The following PDZRN4 variants were observed in gnomAD, a reference collection of about 807,000 sequenced individuals.
PDZRN4 encodes the protein PDZ domain containing ring finger 4.
Under a neutral mutation model 99.0 loss-of-function variants are expected in PDZRN4, and 70 were observed. That is an observed-to-expected ratio of 0.71 (90% CI 0.58 to 0.86). The LOEUF (loss-of-function observed/expected upper bound fraction) is 0.86, where lower values mean the gene tolerates loss of function less well. Ranked by LOEUF, PDZRN4 falls within the 40% of genes least tolerant of loss-of-function variation. The pLI is 0.00. For missense variants in PDZRN4, 1,474 were observed against 1,331.2 expected (o/e 1.11, Z -1.67); for synonymous variants, 551 against 501.6 (o/e 1.10, Z -1.32).
At chr12:41,246,495 C>A (rs1333768919) in intron 3 of PDZRN4, among the ~76,000 whole-genome samples, 1 of 152,102 alleles carries the variant, frequency 6.6e-6, no homozygotes, top group Non-Finnish European at 1.5e-5. Context: ...AGTTTTCATC[C>A]AAAACGTTTG....
chr12:41,554,296 C>T (rs1198891518), intron 6 of PDZRN4, among the ~76,000 whole-genome samples: 1 of 152,174 alleles, frequency 6.6e-6, no homozygotes, highest in African/African-American at 2.4e-5. Flanking sequence ...GTTCATGAAT[C>T]ACCCTTCACT....
chr12:41,498,276 T>A (rs1261212732), intron 3 of PDZRN4, among the ~76,000 whole-genome samples: 1 of 152,040 alleles, frequency 6.6e-6, no homozygotes, highest in Admixed American at 6.6e-5. Context: ...CATAAATATA[T>A]AACCTGAGTC....
rs148746269 is a variant in PDZRN4 at position 41,375,472 on chromosome 12, T to C, written c.844-130984T>C. On this transcript the variant is annotated intron_variant, in intron 3 of 9. Transcript: ENST00000402685. The stretch of plus-strand genomic sequence containing the variant: ...TTTATATCCAAAGCACTATTCTCAA[T>C]GAATTGCATGTACTAACTCATTGAA... Among the ~76,000 whole-genome samples the C allele has an allele frequency of 1.7e-3, 265 of 152,276 alleles. 2 individuals carry two copies. The highest frequency in any genetic ancestry group is 6.1e-3 in the African/African-American group (252 of 41,572).
intron 7 of PDZRN4, among the ~76,000 whole-genome samples, chr12:41,562,086 G>A (rs1294458327): frequency 6.6e-6 from 1 of 152,036 alleles, no homozygotes; most frequent in Non-Finnish European, 1.5e-5. Context: ...AATTTTATTT[G>A]TGAATTGCAA....
intron 4 of PDZRN4, chr12:41,509,477 G>C (rs1328328639): frequency 6.1e-6 from 1 of 164,074 alleles, no homozygotes; most frequent in Admixed American, 6.3e-5. Context: ...CCCACGTATG[G>C]AGCTTGTCAC....
chr12:41,204,081 T>A (rs1950833412), intron 3 of PDZRN4, among the ~76,000 whole-genome samples: 2 of 150,054 alleles, frequency 1.3e-5, no homozygotes, highest in Non-Finnish European at 3.0e-5. Flanking sequence ...ACCAGAAGTA[T>A]CTTGAACATT....
intron 3 of PDZRN4, among the ~76,000 whole-genome samples, chr12:41,401,005 G>A (rs1028329979): frequency 3.3e-5 from 5 of 152,082 alleles, no homozygotes; most frequent in African/African-American, 1.2e-4. Flanking sequence ...TTCATTTCAT[G>A]TTGAAGCATT....
chr12:41,370,203 A>G (rs1324559091), intron 3 of PDZRN4, among the ~76,000 whole-genome samples: 1 of 151,716 alleles, frequency 6.6e-6, no homozygotes, highest in African/African-American at 2.4e-5. Context: ...TCTCGATTCT[A>G]TTCCTTCCTT....
chr12:41,548,156 C>T (rs1321076697), intron 5 of PDZRN4, among the ~76,000 whole-genome samples: 3 of 152,098 alleles, frequency 2.0e-5, no homozygotes, highest in African/African-American at 4.8e-5. Context: ...GGGTGCAAAC[C>T]TGAAATGTTT....
intron 3 of PDZRN4, among the ~76,000 whole-genome samples, chr12:41,319,118 C>T (rs773145752): frequency 2.0e-5 from 3 of 152,124 alleles, no homozygotes; most frequent in African/African-American, 4.8e-5. Flanking sequence ...CAAATGAGAT[C>T]GTGGTCGCAT....
intron 3 of PDZRN4, among the ~76,000 whole-genome samples, chr12:41,239,545 A>G (rs1340318966): frequency 2.0e-5 from 3 of 152,206 alleles, no homozygotes; most frequent in African/African-American, 7.2e-5. Context: ...ATAGTGTAAT[A>G]ACATAGGGAA....
intron 3 of PDZRN4, among the ~76,000 whole-genome samples, chr12:41,235,452 CA>C (rs1951059895): frequency 6.6e-6 from 1 of 151,962 alleles, no homozygotes; most frequent in Non-Finnish European, 1.5e-5. Context: ...TAACCAGGGC[CA>C]CACATTCGAA....
intron 3 of PDZRN4, among the ~76,000 whole-genome samples, chr12:41,348,489 C>T (rs1951869612): frequency 6.6e-6 from 1 of 152,050 alleles, no homozygotes; most frequent in Admixed American, 6.6e-5. Context: ...CTTACTACTA[C>T]AGATTTGCAG....
chr12:41,202,140 T>A (rs1017247423), intron 3 of PDZRN4, among the ~76,000 whole-genome samples: 13 of 152,114 alleles, frequency 8.5e-5, no homozygotes, highest in Non-Finnish European at 4.4e-5. Context: ...TAAATGGTCT[T>A]GTGAAAAGAC....
At chr12:41,520,111 T>A (rs1938469092) in intron 5 of PDZRN4, among the ~76,000 whole-genome samples, 1 of 152,130 alleles carries the variant, frequency 6.6e-6, no homozygotes, top group African/African-American at 2.4e-5. Context: ...TTCTATACCA[T>A]TGATTTCATG....
rs776987781 is a variant in PDZRN4 at position 41,573,902 on chromosome 12, G to A, written c.*12G>A. On this transcript the variant is annotated 3_prime_UTR_variant, in exon 10 of 10. Coordinates refer to ENST00000402685, the MANE Select transcript of PDZRN4 (RefSeq NM_001164595.2). Reference sequence around the variant, plus strand: ...TGACCACTGTATGACCGAATGAATGGAATGCATGCGACTGATTTTAGGAGG... The same window carrying A: ...TGACCACTGTATGACCGAATGAATGAAATGCATGCGACTGATTTTAGGAGG... 6 of 1,512,290 alleles carry A rather than the reference G, an allele frequency of 4.0e-6. No homozygotes were observed. In the East Asian group the frequency reaches 1.1e-4, roughly 29 times the overall value. 93.7% of individuals were successfully genotyped at this position (1,512,290 alleles called of 1,614,324 possible). A position where few individuals can be genotyped will look rare whatever the true frequency, so the allele number is the denominator to read the frequency against.
intron 3 of PDZRN4, among the ~76,000 whole-genome samples, chr12:41,429,679 A>G (rs1312363820): frequency 6.6e-6 from 1 of 152,056 alleles, no homozygotes; most frequent in Non-Finnish European, 1.5e-5. Context: ...CTTCCCATGC[A>G]GAGAGGATAT....
chr12:41,477,738 A>G (rs1337398682), intron 3 of PDZRN4: 17 of 698,466 alleles, frequency 2.4e-5, no homozygotes, highest in East Asian at 2.7e-5. Context: ...TCCGCACAAA[A>G]CAGCCAAATA....
intron 3 of PDZRN4, among the ~76,000 whole-genome samples, chr12:41,314,384 A>G (rs1327906805): frequency 6.6e-6 from 1 of 152,210 alleles, no homozygotes. Context: ...TGATATCAAG[A>G]CTAGTTCACA....
Sources: allele counts gnomAD v4.1 joint callset (sites outside exome capture counted in the v4.1 genomes callset), GRCh38; gene constraint gnomAD v4.1.1; transcripts MANE v1.5; gene names NCBI Gene and HGNC (gene_info 2026-07-23, HGNC 2026-07-21).